Variants in NR1D2 observed in about 807,000 individuals in gnomAD.
The protein encoded by NR1D2 is V-erbA-related protein 1-related.
A neutral mutation model predicts 52.2 loss-of-function variants in NR1D2; 25 were observed. That is an observed-to-expected ratio of 0.48 (90% CI 0.35 to 0.67). The LOEUF is 0.67. Ranked by LOEUF, NR1D2 falls within the 30% of genes least tolerant of loss-of-function variation. NR1D2 has a pLI of 0.01. For synonymous variants in NR1D2, 259 were observed against 230.1 expected (o/e 1.13, Z -1.14); for missense variants, 681 against 707.2 (o/e 0.96, Z 0.42).
At chr3:23,973,484 A>G (rs1220095486) in intron 7 of NR1D2, among the ~76,000 whole-genome samples, 1 of 152,224 alleles carries the variant, frequency 6.6e-6, no homozygotes, top group Non-Finnish European at 1.5e-5. Flanking sequence ...ATAGATATGA[A>G]AGATAAAAGC....
intron 7 of NR1D2, 53 bp from the exon 8 acceptor site, chr3:23,977,166 TTTAA>T: frequency 1.0e-6 from 1 of 969,846 alleles, no homozygotes; most frequent in Non-Finnish European, 1.4e-6. Context: ...TTTATTTATA[TTTAA>T]TGTTAATAAT....
rs1230931830 is a variant in NR1D2, at chr3:23,947,894, G to A, written c.16+2300G>A. ...GCACTTTGGGAGGCTGAGCCGGGCG[G>A]ATCCCCTGAGGTAAGGAGTTCGAGA... On this transcript the variant is annotated intron_variant, in intron 1 of 7. Coordinates refer to ENST00000312521, the MANE Select transcript of NR1D2 (RefSeq NM_005126.5). 2.6e-5 allele frequency among the ~76,000 whole-genome samples: 4 copies of A among 152,112 alleles called. No homozygotes were observed. The South Asian group carries it at 6.2e-4, about 24-fold the overall frequency.
At chr3:23,945,999 C>G (rs1705679944) in intron 1 of NR1D2, 1 of 639,304 alleles carries the variant, frequency 1.6e-6, no homozygotes, top group African/African-American at 2.0e-5. Flanking sequence ...GACCCACATT[C>G]CCCGGGGCCG....
intron 6 of NR1D2, 38 bp downstream of exon 6, chr3:23,965,200 G>T: frequency 7.7e-7 from 1 of 1,301,336 alleles, no homozygotes. Context: ...TGCAGGCAGG[G>T]CATGTAGTAT....
intron 4 of NR1D2, among the ~76,000 whole-genome samples, chr3:23,961,017 T>C (rs1038519281): frequency 6.6e-6 from 1 of 152,236 alleles, no homozygotes; most frequent in African/African-American, 2.4e-5. Context: ...GGATGACTTA[T>C]CTCATTTTTA....
chr3:23,957,250 T>C (rs1706103552), intron 3 of NR1D2, among the ~76,000 whole-genome samples: 1 of 151,914 alleles, frequency 6.6e-6, no homozygotes, highest in Admixed American at 6.6e-5. Flanking sequence ...CGCAAAGTGC[T>C]GGGATTACAG....
In NR1D2 at chr3:23,977,353, G is replaced by C; in HGVS notation, c.1674G>C (p.Leu558Phe). Residue 558 changes from leucine to phenylalanine, a missense_variant, in exon 8 of 8, where the codon TTG becomes TTC. This residue lies in a region of NR1D2 where 475 missense variants were observed against 454.5 expected (regional missense o/e 1.05). Coordinates refer to ENST00000312521, the MANE Select transcript of NR1D2 (RefSeq NM_005126.5). ...ASIFTKLLLK[L>F]PDLRSLNNMH... The stretch of plus-strand genomic sequence containing the variant: ...TTTTTACAAAACTGCTTCTAAAGTT[G>C]CCAGATCTTCGATCTTTAAACAACA... The C allele has an allele frequency of 1.9e-6, 3 of 1,613,672 alleles. No individual in the cohort carries two copies. The highest frequency in any genetic ancestry group is 2.5e-6 in the Non-Finnish European group (3 of 1,179,806).
rs576261215 is a variant in NR1D2, at chr3:23,947,200, C to T, written c.16+1606C>T. ...CAGGGTGAACCTCTTCTAACCCACC[C>T]TTTAGCATGAATTCTAATAGCTTTA... is the stretch of plus-strand genomic sequence containing the variant. On this transcript the variant is annotated intron_variant, in intron 1 of 7. Coordinates refer to ENST00000312521, the MANE Select transcript of NR1D2 (RefSeq NM_005126.5). Among the ~76,000 whole-genome samples, 4 of 152,284 alleles carry T rather than the reference C, an allele frequency of 2.6e-5. No homozygotes were observed. The South Asian group carries it at 8.3e-4, about 32-fold the overall frequency.
chr3:23,978,210 A>T lies in NR1D2; in HGVS notation c.*791A>T, dbSNP rs1706787674. On this transcript the variant is annotated 3_prime_UTR_variant, in exon 8 of 8. Coordinates refer to ENST00000312521, the MANE Select transcript of NR1D2 (RefSeq NM_005126.5). ...CACGTATTCAAAGTTTATGGGTACA[A>T]CAAAGACATAGTACATGTACATAAT... 6.6e-6 allele frequency: 1 copy of T among 152,224 alleles called. No homozygotes were observed. The highest frequency in any genetic ancestry group is 6.5e-5 in the Admixed American group (1 of 15,270). 9.4% of individuals were successfully genotyped at this position (152,224 alleles called of 1,614,324 possible).
intron 4 of NR1D2, among the ~76,000 whole-genome samples, chr3:23,960,101 A>G (rs368511352): frequency 5.3e-5 from 8 of 152,146 alleles, no homozygotes; most frequent in East Asian, 1.9e-4. Context: ...CCTAAAACCA[A>G]TGGAGTTTAA....
rs1229775597 is a variant in NR1D2 at position 23,945,431 on chromosome 3, G to C, written c.-148G>C. 3 of 251,308 alleles carry C rather than the reference G, an allele frequency of 1.2e-5. No homozygotes were observed. The South Asian group carries it at 4.3e-4, about 36-fold the overall frequency. The allele number at this position is 251,308 out of a possible 1,614,324, so 15.6% of individuals were successfully genotyped here. A position where few individuals can be genotyped will look rare whatever the true frequency, so the allele number is the denominator to read the frequency against. The stretch of plus-strand genomic sequence containing the variant: ...GCCTGCTGTGCGCTGCACGGCCTGG[G>C]GCCCGGGAGCCCCGCCCGCTCTGCC... On this transcript the variant is annotated 5_prime_UTR_variant, in exon 1 of 8. Coordinates refer to ENST00000312521, the MANE Select transcript of NR1D2 (RefSeq NM_005126.5).
intron 4 of NR1D2, among the ~76,000 whole-genome samples, chr3:23,961,221 A>G (rs967686326): frequency 1.3e-5 from 2 of 151,912 alleles, no homozygotes; most frequent in African/African-American, 4.8e-5. Flanking sequence ...TCAGGGAATG[A>G]TTTCACCTAC....
At chr3:23,945,801 C>G (rs1448680537) in intron 1 of NR1D2, among the ~76,000 whole-genome samples, 3 of 150,502 alleles carry the variant, frequency 2.0e-5, no homozygotes, top group Non-Finnish European at 4.5e-5. Context: ...AAAGCCGCAG[C>G]GCGGCCTGCC....
intron 1 of NR1D2, among the ~76,000 whole-genome samples, chr3:23,945,846 G>A (rs1169917532): frequency 6.6e-6 from 1 of 150,756 alleles, no homozygotes; most frequent in Non-Finnish European, 1.5e-5. Context: ...ACATGGCCCG[G>A]CCGCGCGAGC....
intron 6 of NR1D2, among the ~76,000 whole-genome samples, chr3:23,967,150 A>AC (rs960376014): frequency 1.3e-5 from 2 of 152,016 alleles, no homozygotes; most frequent in Non-Finnish European, 2.9e-5. Flanking sequence ...ACATGGTGAA[A>AC]CCCCATCTCT....
chr3:23,973,046 A>G (rs1706631145), intron 7 of NR1D2, among the ~76,000 whole-genome samples: 2 of 152,158 alleles, frequency 1.3e-5, no homozygotes, highest in African/African-American at 4.8e-5. Flanking sequence ...GACTTCCTAC[A>G]CCTGTCCAAC....
At chr3:23,955,690 T>C (rs1427213935) in intron 2 of NR1D2, among the ~76,000 whole-genome samples, 1 of 152,072 alleles carries the variant, frequency 6.6e-6, no homozygotes, top group Non-Finnish European at 1.5e-5. Flanking sequence ...TGGTGGTGCA[T>C]GCCTGTAGTA....
At chr3:23,951,116 G>A (rs959950608) in intron 1 of NR1D2, among the ~76,000 whole-genome samples, 4 of 152,042 alleles carry the variant, frequency 2.6e-5, no homozygotes, top group African/African-American at 9.7e-5. Context: ...TGTTGGTCAG[G>A]CTGGTCTTGG....
chr3:23,953,887 G>A (rs1005722703), intron 1 of NR1D2, among the ~76,000 whole-genome samples: 1 of 152,190 alleles, frequency 6.6e-6, no homozygotes, highest in African/African-American at 2.4e-5. Context: ...TTTGAGCAAT[G>A]AAGTTACTTA....
Sources: allele counts gnomAD v4.1 joint callset (sites outside exome capture counted in the v4.1 genomes callset), GRCh38; gene constraint gnomAD v4.1.1; regional missense constraint gnomAD v4.1.1; transcripts MANE v1.5; gene names NCBI Gene and HGNC (gene_info 2026-07-23, HGNC 2026-07-21).